Variants in LDLRAD3 observed in about 807,000 individuals in gnomAD.
LDLRAD3 encodes low-density lipoprotein receptor class A domain-containing protein 3.
LDLRAD3 carries 20 observed loss-of-function variants against 29.4 expected under a neutral mutation model. The ratio of observed to expected loss-of-function variants is 0.68; its 90% CI spans 0.48 to 0.99. The LOEUF is 0.99. Ranked by LOEUF, LDLRAD3 falls within the 50% of genes least tolerant of loss-of-function variation. The pLI, the probability that LDLRAD3 is intolerant of heterozygous loss-of-function variation, is 0.00. For missense variants in LDLRAD3, 420 were observed against 454.3 expected, an observed-to-expected ratio of 0.92 and a Z score of 0.69; for synonymous variants, 157 against 192.7, an observed-to-expected ratio of 0.81 and a Z score of 1.53.
intron 1 of LDLRAD3, among the ~76,000 whole-genome samples, chr11:35,954,196 G>A (rs187866103): frequency 1.3e-5 from 2 of 152,184 alleles, no homozygotes; most frequent in African/African-American, 2.4e-5. Context: ...ATATAATAGG[G>A]TTCAGTTTTT....
chr11:35,975,986 C>T (rs143457716), intron 1 of LDLRAD3, among the ~76,000 whole-genome samples: 379 of 151,954 alleles, frequency 2.5e-3, no homozygotes, highest in African/African-American at 8.9e-3. Context: ...ATACCCTGGG[C>T]AGGTTGGGGA....
intron 4 of LDLRAD3, among the ~76,000 whole-genome samples, chr11:36,180,058 G>A (rs946540028): frequency 6.6e-6 from 1 of 152,308 alleles, no homozygotes; most frequent in South Asian, 2.1e-4. Flanking sequence ...CCAACGCACA[G>A]ATCAGGGTAG....
intron 4 of LDLRAD3, among the ~76,000 whole-genome samples, chr11:36,164,618 C>T (rs1318040618): frequency 6.6e-6 from 1 of 152,240 alleles, no homozygotes; most frequent in Non-Finnish European, 1.5e-5. Context: ...CCCTGTGTGG[C>T]AGATCCCCTT....
chr11:35,988,980 C>A lies in LDLRAD3; in HGVS notation c.46+44836C>A, dbSNP rs185687858. 4 of 152,202 alleles carry A rather than the reference C, an allele frequency of 2.6e-5. No homozygotes were observed. The East Asian group carries it at 7.7e-4, about 29-fold the overall frequency. 9.4% of individuals were successfully genotyped at this position (152,202 alleles called of 1,614,324 possible). A position where few individuals can be genotyped will look rare whatever the true frequency, so the allele number is the denominator to read the frequency against. ...CTGATGTCCAGAATAGTATTTCCTA[C>A]GTTTTCTTCTGGGAGTCTTATAGTT... On this transcript the variant is annotated intron_variant, in intron 1 of 5. Transcript: ENST00000315571.
intron 1 of LDLRAD3, among the ~76,000 whole-genome samples, chr11:36,006,972 G>T (rs1281726884): frequency 6.6e-6 from 1 of 152,160 alleles, no homozygotes; most frequent in Non-Finnish European, 1.5e-5. Context: ...AGCCCTACTG[G>T]TCCCATATTT....
intron 1 of LDLRAD3, among the ~76,000 whole-genome samples, chr11:36,017,879 T>C (rs1218353606): frequency 2.0e-5 from 3 of 152,202 alleles, no homozygotes; most frequent in Admixed American, 1.3e-4. Flanking sequence ...TGGTCCCGCT[T>C]GTTTAAAATT....
At chr11:35,961,589 G>A (rs1467282113) in intron 1 of LDLRAD3, among the ~76,000 whole-genome samples, 1 of 152,190 alleles carries the variant, frequency 6.6e-6, no homozygotes, top group East Asian at 1.9e-4. Flanking sequence ...AGGGTTGAGG[G>A]CTGGGAGTGT....
At chr11:35,958,071 C>G (rs144280879) in intron 1 of LDLRAD3, among the ~76,000 whole-genome samples, 2 of 152,140 alleles carry the variant, frequency 1.3e-5, no homozygotes, top group East Asian at 1.9e-4. Flanking sequence ...GGAGAGTTAT[C>G]GTGCCAGTAT....
Position 36,213,034 on chromosome 11 carries a change from G to C in LDLRAD3, c.455-14051G>C, listed in dbSNP as rs12225447. ...CAGTTTAGAACTTTCTTCTCTCTCTGTCTCTCTCTCCCCCACCCCTCTCTT... is the reference window on the plus strand; with the variant it reads ...CAGTTTAGAACTTTCTTCTCTCTCTCTCTCTCTCTCCCCCACCCCTCTCTT... On this transcript the variant is annotated intron_variant, in intron 4 of 5. Transcript: ENST00000315571. This position sits in a 1 kb window ranked among gnomAD's most constrained non-coding sequence, Gnocchi z 4.1. Among the ~76,000 whole-genome samples, 43,515 of 147,674 alleles carry C rather than the reference G, an allele frequency of 0.29. 6,364 individuals carry two copies. Among genetic ancestry groups the C allele is most frequent in the African/African-American group, 0.36 (13,522 of 37,858 alleles).
At chr11:36,212,959 A>G (rs1855303196) in intron 4 of LDLRAD3, among the ~76,000 whole-genome samples, 1 of 152,176 alleles carries the variant, frequency 6.6e-6, no homozygotes, top group African/African-American at 2.4e-5. Context: ...AGTCTTTTGG[A>G]ATAAGAATGA....
intron 2 of LDLRAD3, among the ~76,000 whole-genome samples, chr11:36,040,612 A>G (rs983844542): frequency 1.3e-5 from 2 of 152,122 alleles, no homozygotes; most frequent in African/African-American, 2.4e-5. Flanking sequence ...GTTTTCCACT[A>G]TGGGAAACAG....
chr11:36,191,572 CTCTCTATA>C (rs1282081179), intron 4 of LDLRAD3, among the ~76,000 whole-genome samples: 4 of 74,434 alleles, frequency 5.4e-5, no homozygotes, highest in South Asian at 1.0e-3. Flanking sequence ...CTCTCTCTCT[CTCTCTATA>C]TATATATATA....
intron 5 of LDLRAD3, among the ~76,000 whole-genome samples, 155 bp downstream of exon 5, chr11:36,227,585 A>G (rs1390240096): frequency 6.6e-6 from 1 of 152,208 alleles, no homozygotes. Context: ...TCCTCGCAAA[A>G]TTCTCTACAT....
chr11:36,008,432 A>G (rs903983615), intron 1 of LDLRAD3, among the ~76,000 whole-genome samples: 2 of 152,196 alleles, frequency 1.3e-5, no homozygotes, highest in African/African-American at 4.8e-5. Flanking sequence ...TTGAGAAAAT[A>G]TAAGGAGGAA....
At chr11:36,141,056 G>A (rs1477949861) in intron 4 of LDLRAD3, among the ~76,000 whole-genome samples, 1 of 150,500 alleles carries the variant, frequency 6.6e-6, no homozygotes, top group African/African-American at 2.5e-5. Context: ...GTGTGCGTGT[G>A]TGTCTGTATT....
chr11:36,044,984 TCAC>T (rs1028235681), intron 2 of LDLRAD3, among the ~76,000 whole-genome samples: 5 of 152,232 alleles, frequency 3.3e-5, no homozygotes, highest in Non-Finnish European at 5.9e-5. Flanking sequence ...TTTTCCACCT[TCAC>T]CACACTGGCC....
intron 4 of LDLRAD3, among the ~76,000 whole-genome samples, chr11:36,192,202 G>T (rs1325025420): frequency 6.6e-6 from 1 of 152,196 alleles, no homozygotes; most frequent in African/African-American, 2.4e-5. Flanking sequence ...TTTCAAGAAT[G>T]CGCTGGTAGG....
chr11:36,146,357 C>G (rs951572443), intron 4 of LDLRAD3, among the ~76,000 whole-genome samples: 2 of 152,178 alleles, frequency 1.3e-5, no homozygotes. Flanking sequence ...TTTCTCATAA[C>G]CTTTTCTCTC....
chr11:36,015,067 G>A (rs1852003647), intron 1 of LDLRAD3, among the ~76,000 whole-genome samples: 1 of 152,190 alleles, frequency 6.6e-6, no homozygotes, highest in Non-Finnish European at 1.5e-5. Flanking sequence ...ATTCATTTTG[G>A]AACTGAAGCG....
Sources: gnomAD v4.1 joint callset for allele counts (sites outside exome capture counted in the v4.1 genomes callset) on GRCh38, gnomAD v4.1.1 for gene constraint, Gnocchi (gnomAD v3.1) non-coding constraint, MANE v1.5 for transcripts, NCBI Gene and HGNC (gene_info 2026-07-23, HGNC 2026-07-21) for gene names.